SNX29: variants seen among roughly 807,000 people sequenced by gnomAD.
The protein encoded by SNX29 is sorting nexin 29, also known as sorting nexin-29.
In SNX29, 78 loss-of-function variants were observed where a neutral mutation model predicts 102.1. The observed-to-expected ratio is 0.76, with a 90% CI of 0.64 to 0.92. The LOEUF (loss-of-function observed/expected upper bound fraction) is 0.92, where lower values mean the gene tolerates loss of function less well. Ranked by LOEUF, SNX29 falls within the 40% of genes least tolerant of loss-of-function variation. The probability of loss-of-function intolerance (pLI) is 0.00; values close to 1 mark genes in which losing one functional copy is unlikely to be tolerated. For missense variants in SNX29, 1,280 were observed against 1,061.7 expected (o/e 1.21, Z -2.86); for synonymous variants, 580 against 414.5 (o/e 1.40, Z -4.85).
chr16:12,031,451 A>T (rs2057340500), intron 4 of SNX29, among the ~76,000 whole-genome samples: 2 of 151,642 alleles, frequency 1.3e-5, no homozygotes, highest in South Asian at 4.2e-4. Flanking sequence ...CCCTTCTGCT[A>T]CCTTCCTTCC....
chr16:12,519,264 G>T (rs2089999677), intron 19 of SNX29, among the ~76,000 whole-genome samples: 1 of 152,180 alleles, frequency 6.6e-6, no homozygotes, highest in Non-Finnish European at 1.5e-5. Context: ...GGTGAAAATG[G>T]TGGCACCATG....
At chr16:12,516,698 C>T (rs1052598950) in intron 19 of SNX29, among the ~76,000 whole-genome samples, 2 of 152,066 alleles carry the variant, frequency 1.3e-5, no homozygotes, top group African/African-American at 2.4e-5. Flanking sequence ...CTTGATGTTC[C>T]TTGATGAAAA....
intron 11 of SNX29, among the ~76,000 whole-genome samples, chr16:12,121,854 A>G (rs901992221): frequency 5.9e-5 from 9 of 152,156 alleles, no homozygotes. Flanking sequence ...GCTGGAATGC[A>G]GTGGCGCGAT....
intron 19 of SNX29, among the ~76,000 whole-genome samples, chr16:12,518,827 G>T (rs1359642860): frequency 6.6e-6 from 1 of 152,168 alleles, no homozygotes; most frequent in Non-Finnish European, 1.5e-5. Context: ...AGAGATTGCA[G>T]GGGATTTCGC....
At chr16:12,453,510 T>G (rs946529349) in intron 18 of SNX29, among the ~76,000 whole-genome samples, 1 of 152,134 alleles carries the variant, frequency 6.6e-6, no homozygotes, top group Non-Finnish European at 1.5e-5. Context: ...ACAAACAAAG[T>G]GGCTGTCATG....
chr16:12,297,448 G>C (rs1348765853), intron 15 of SNX29: 1 of 152,122 alleles, frequency 6.6e-6, no homozygotes, highest in Non-Finnish European at 1.5e-5. Context: ...CTGCCCCCAA[G>C]CCAAAGCTCT....
intron 16 of SNX29, among the ~76,000 whole-genome samples, chr16:12,360,166 C>A (rs2082261838): frequency 6.6e-6 from 1 of 152,188 alleles, no homozygotes; most frequent in Non-Finnish European, 1.5e-5. Flanking sequence ...TCATGAAATA[C>A]CCAGTCAGTG....
chr16:12,189,808 T>A (rs912180776), intron 13 of SNX29, among the ~76,000 whole-genome samples: 1 of 152,088 alleles, frequency 6.6e-6, no homozygotes, highest in African/African-American at 2.4e-5. Flanking sequence ...AAAACAGTGA[T>A]AATAATGGAT....
At chr16:12,069,717 G>A (rs2051201656) in intron 10 of SNX29, among the ~76,000 whole-genome samples, 1 of 152,104 alleles carries the variant, frequency 6.6e-6, no homozygotes, top group African/African-American at 2.4e-5. Flanking sequence ...TTTTGAGACA[G>A]TCTCGCTGTG....
intron 13 of SNX29, among the ~76,000 whole-genome samples, chr16:12,131,493 C>G (rs1280194887): frequency 6.6e-6 from 1 of 152,102 alleles, no homozygotes; most frequent in African/African-American, 2.4e-5. Context: ...TCCATATAGG[C>G]CTCATGTTAA....
At position 12,572,421 on chromosome 16, in the gene SNX29, C is replaced by G; in HGVS notation, c.*3792C>G. On this transcript the variant is annotated 3_prime_UTR_variant, in exon 21 of 21. Coordinates refer to ENST00000566228, the MANE Select transcript of SNX29 (RefSeq NM_032167.5). ...TGAGGCAGGGCTCTGTGGCCCAGGC[C>G]GGCAGTGGCTGCCTCTCTTGGTTCT... is the stretch of plus-strand genomic sequence containing the variant. 3 of 1,064,048 alleles carry G rather than the reference C, an allele frequency of 2.8e-6. No homozygotes were observed. Among genetic ancestry groups the G allele is most frequent in the Non-Finnish European group, 3.4e-6 (3 of 878,444 alleles). 65.9% of individuals were successfully genotyped at this position (1,064,048 alleles called of 1,614,324 possible).
intron 14 of SNX29, among the ~76,000 whole-genome samples, chr16:12,240,904 C>G (rs2078084838): frequency 1.3e-5 from 2 of 152,108 alleles, no homozygotes; most frequent in African/African-American, 4.8e-5. Context: ...CCGCACCTTG[C>G]CATCTTTGTC....
intron 20 of SNX29, among the ~76,000 whole-genome samples, chr16:12,561,899 G>C (rs536610147): frequency 6.6e-6 from 1 of 152,286 alleles, no homozygotes; most frequent in South Asian, 2.1e-4. Flanking sequence ...TGGCATCCCA[G>C]GAGTTCCTTC....
At chr16:12,178,301 A>G (rs959972142) in intron 13 of SNX29, among the ~76,000 whole-genome samples, 3 of 151,930 alleles carry the variant, frequency 2.0e-5, no homozygotes, top group Admixed American at 6.6e-5. Context: ...GGTGGTGGTT[A>G]TGTTGGAAGG....
intron 20 of SNX29, among the ~76,000 whole-genome samples, 190 bp downstream of exon 20, chr16:12,525,031 A>G (rs542280506): frequency 2.0e-5 from 3 of 152,228 alleles, no homozygotes; most frequent in Non-Finnish European, 4.4e-5. Context: ...TTCTAAAGGG[A>G]TGGGAAGAGA....
chr16:12,430,549 A>G (rs529979273), intron 18 of SNX29, among the ~76,000 whole-genome samples: 2 of 152,198 alleles, frequency 1.3e-5, no homozygotes, highest in African/African-American at 4.8e-5. Flanking sequence ...CAGTTTATTC[A>G]TTTGTAAAAT....
At chr16:12,269,264 T>C (rs2079022619) in intron 14 of SNX29, among the ~76,000 whole-genome samples, 1 of 152,202 alleles carries the variant, frequency 6.6e-6, no homozygotes, top group Non-Finnish European at 1.5e-5. Flanking sequence ...ATTTTTCCCG[T>C]GAATAAGGTA....
In SNX29 at chr16:12,469,647, G is replaced by T. The variant is rs117216603; in HGVS notation, c.2038-8072G>T. Among the ~76,000 whole-genome samples the T allele has an allele frequency of 1.6e-3, 237 of 152,274 alleles. 4 individuals carry two copies. In the East Asian group the frequency reaches 0.026, roughly 17 times the overall value. On this transcript the variant is annotated intron_variant, in intron 18 of 20. Coordinates refer to ENST00000566228, the MANE Select transcript of SNX29 (RefSeq NM_032167.5). ...TCACTGAAGGCCCGGTGCTAGTTCC[G>T]CTGCTCACTCCTCGGGCAATAGAGA...
At chr16:12,332,892 C>G (rs777438423) in intron 15 of SNX29, among the ~76,000 whole-genome samples, 35 of 152,070 alleles carry the variant, frequency 2.3e-4, no homozygotes, top group Non-Finnish European at 3.8e-4. Context: ...GCCTCACCTC[C>G]AAGCTCACTT....
Sources: allele counts gnomAD v4.1 joint callset (sites outside exome capture counted in the v4.1 genomes callset), GRCh38; gene constraint gnomAD v4.1.1; transcripts MANE v1.5; gene names NCBI Gene and HGNC (gene_info 2026-07-23, HGNC 2026-07-21).